The following STAT2 variants were observed in gnomAD, a reference collection of about 807,000 sequenced individuals.
STAT2 encodes the protein signal transducer and activator of transcription 2.
Under a neutral mutation model 122.3 loss-of-function variants are expected in STAT2, and 51 were observed. That is an observed-to-expected ratio of 0.42 (90% confidence interval 0.33 to 0.53). The LOEUF is 0.53. Among genes scored for constraint, STAT2 ranks in the 20% least tolerant of loss-of-function variants. STAT2 has a pLI of 0.10. For missense variants in STAT2, 736 were observed against 1,010.3 expected, an observed-to-expected ratio of 0.73 and a Z score of 3.68; for synonymous variants, 351 against 394.9, an observed-to-expected ratio of 0.89 and a Z score of 1.32.
rs1439273945 is a variant in STAT2 at position 56,356,207 on chromosome 12, C to T, written c.210G>A (p.Glu70=). 4.3e-6 allele frequency: 7 copies of T among 1,613,924 alleles called. No individual in the cohort carries two copies. Among genetic ancestry groups the T allele is most frequent in the South Asian group, 1.1e-5 (1 of 91,088 alleles). Residue 70 remains glutamate, a synonymous_variant, in exon 3 of 24, where the codon GAG becomes GAA. Transcript: ENST00000314128. ...FFHFLDQLNY[E]CGRCSQDPES... is the part of the protein sequence containing the mutation. ...CTGGGTCCTGGCTGCAACGGCCACA[C>T]TCATAGTTCAGCTGATCCAAGAAGT... is the stretch of plus-strand genomic sequence containing the variant.
Position 56,342,296 on chromosome 12 carries a change from C to CAA in STAT2, c.*1091_*1092dup, listed in dbSNP as rs535939207. On this transcript the variant is annotated 3_prime_UTR_variant, in exon 24 of 24. Transcript: ENST00000314128. ...GGACAACAAGAGAGAAACTCCATCTCAAAAAAAAAAAAAAAAAAATCCTGG... is the reference window on the plus strand; with the variant it reads ...GGACAACAAGAGAGAAACTCCATCTCAAAAAAAAAAAAAAAAAAAAATCCTGG... 5.2e-4 allele frequency: 38 copies of CAA among 72,570 alleles called. No individual in the cohort carries two copies. The highest frequency in any genetic ancestry group is 1.7e-3 in the African/African-American group (35 of 21,180). 4.5% of individuals were successfully genotyped at this position (72,570 alleles called of 1,614,324 possible). A position where few individuals can be genotyped will look rare whatever the true frequency, so the allele number is the denominator to read the frequency against.
rs750097169 is a variant in STAT2 at position 56,349,505 on chromosome 12, G to A, written c.1262C>T (p.Pro421Leu). The A allele has an allele frequency of 6.2e-7, 1 of 1,614,072 alleles. No homozygotes were observed. The highest frequency in any genetic ancestry group is 1.3e-5 in the African/African-American group (1 of 74,920). ...GGSGKGSNKG[P>L]LGVTEELHII... The stretch of plus-strand genomic sequence containing the variant: ...GTGCAGTTCCTCTGTCACACCTAGT[G>A]GCCCCTGGGACAGCCAAAGACATAG... Residue 421 changes from proline to leucine, a missense_variant, in exon 15 of 24, where the codon CCA (proline) becomes CTA (leucine). Pro to Leu is a moderately conservative substitution (Grantham distance 98). Transcript: ENST00000314128.
intron 19 of STAT2, 95 bp downstream of exon 19, chr12:56,348,434 G>GCT: frequency 7.6e-7 from 1 of 1,310,044 alleles, no homozygotes; most frequent in East Asian, 2.3e-5. Flanking sequence ...ACCTGTCTTT[G>GCT]CTCTCTCTCC....
At chr12:56,356,698 C>T (rs1412153915) in intron 1 of STAT2, 120 bp from the exon 2 acceptor site, 3 of 1,337,268 alleles carry the variant, frequency 2.2e-6, no homozygotes, top group Non-Finnish European at 3.0e-6. Context: ...AATAAAAATA[C>T]AGAAAACATT....
intron 22 of STAT2, among the ~76,000 whole-genome samples, chr12:56,345,239 C>A (rs1247488175): frequency 6.7e-6 from 1 of 148,812 alleles, no homozygotes; most frequent in Non-Finnish European, 1.5e-5. Flanking sequence ...TCCTACAATC[C>A]CGGCAATTTG....
At chr12:56,354,362 G>T in intron 8 of STAT2, 104 bp downstream of exon 8, 1 of 1,545,024 alleles carries the variant, frequency 6.5e-7, no homozygotes, top group Admixed American at 1.7e-5. Flanking sequence ...TCATTCTGGG[G>T]AGCAGAGACA....
chr12:56,356,442 A>C lies in STAT2; in HGVS notation c.130T>G (p.Trp44Gly). 1 of 1,613,814 alleles carries C rather than the reference A, an allele frequency of 6.2e-7. No homozygotes were observed. The highest frequency in any genetic ancestry group is 8.5e-7 in the Non-Finnish European group (1 of 1,179,978). Residue 44 changes from tryptophan (W) to glycine (G), a missense_variant and splice_region_variant, in exon 2 of 24, where the codon TGG becomes GGG. Coordinates refer to ENST00000314128, the MANE Select transcript of STAT2 (RefSeq NM_005419.4). ...CCCCCAACTTCCTGAAGGCCTCACC[A>C]GTTCTGGTCTTCAATCCAGACAGCC... is the stretch of plus-strand genomic sequence containing the variant. The part of the protein sequence containing the change: ...YLAVWIEDQN[W>G]QEAALGSDDS...
chr12:56,343,139 A>T lies in STAT2; in HGVS notation c.*250T>A. 2.2e-6 allele frequency: 1 copy of T among 448,806 alleles called. No homozygotes were observed. 27.8% of individuals were successfully genotyped at this position (448,806 alleles called of 1,614,324 possible). A position where few individuals can be genotyped will look rare whatever the true frequency, so the allele number is the denominator to read the frequency against. On this transcript the variant is annotated 3_prime_UTR_variant, in exon 24 of 24. Coordinates refer to ENST00000314128, the MANE Select transcript of STAT2 (RefSeq NM_005419.4). ...TGCCCCCAGGACCCCTATACCTCCC[A>T]GCACAGCAGGCAGCCTCCAGGATCC...
intron 8 of STAT2, among the ~76,000 whole-genome samples, chr12:56,354,016 A>AAAAATATATATATATATATATAT (rs71081350): frequency 1.8e-4 from 3 of 16,698 alleles, no homozygotes; most frequent in Non-Finnish European, 3.2e-4. Flanking sequence ...AAAAAAAAAA[A>AAAAATATATATATATATATATAT]ATATATATAT....
chr12:56,351,748 CCT>C (rs1417605925), intron 8 of STAT2, among the ~76,000 whole-genome samples: 1 of 152,078 alleles, frequency 6.6e-6, no homozygotes, highest in Non-Finnish European at 1.5e-5. Flanking sequence ...TCAAAACAAC[CCT>C]CTGAGGCAGG....
chr12:56,344,262 T>C, intron 22 of STAT2, 127 bp from the exon 23 acceptor site: 1 of 1,343,722 alleles, frequency 7.4e-7, no homozygotes, highest in Non-Finnish European at 9.8e-7. Flanking sequence ...GGGTTTGGAA[T>C]CAGGCCTCCT....
In STAT2 at chr12:56,358,847, G is replaced by A. The variant is rs367744020; in HGVS notation, c.-8+1211C>T. ...GGAGGCAGGGGTTGCAGTAAGCAGA[G>A]ATCACATCACTACACTCCAGCCTGG... On this transcript the variant is annotated intron_variant, in intron 1 of 23. Transcript: ENST00000314128. Among the ~76,000 whole-genome samples the A allele has an allele frequency of 2.5e-4, 38 of 152,228 alleles. No homozygotes were observed. In the East Asian group the frequency reaches 6.4e-3, roughly 26 times the overall value.
In STAT2 at chr12:56,355,759, G is replaced by T. The variant is rs1334089083; in HGVS notation, c.330C>A (p.Asn110Lys). The T allele has an allele frequency of 8.1e-6, 13 of 1,614,142 alleles. No homozygotes were observed. The South Asian group carries it at 1.4e-4, about 18-fold the overall frequency. Residue 110 changes from asparagine to lysine, a missense_variant, in exon 4 of 24, where the codon AAC becomes AAA. Asn to Lys is a moderately conservative substitution (Grantham distance 94). Transcript: ENST00000314128. Reference protein sequence around the residue: ...DPTQLAEMIFNLLLEEKRILI... With the variant: ...DPTQLAEMIFKLLLEEKRILI... ...AAATTCTTTTTTCTTCCAGAAGGAGGTTAAAGATCATCTCAGCCAACTGGG... is the reference window on the plus strand; with the variant it reads ...AAATTCTTTTTTCTTCCAGAAGGAGTTTAAAGATCATCTCAGCCAACTGGG...
At chr12:56,355,127 C>A in intron 6 of STAT2, 149 bp downstream of exon 6, 1 of 924,016 alleles carries the variant, frequency 1.1e-6, no homozygotes, top group Non-Finnish European at 1.7e-6. Flanking sequence ...CTCCACAAAG[C>A]ACTTCCAGCT....
chr12:56,350,752 G>A, intron 11 of STAT2, 77 bp downstream of exon 11: 2 of 1,470,436 alleles, frequency 1.4e-6, no homozygotes, highest in Non-Finnish European at 1.9e-6. Flanking sequence ...TAGCCCTAGG[G>A]CCCTGTTGTG....
intron 7 of STAT2, 39 bp from the exon 8 acceptor site, chr12:56,354,653 T>C (rs907734349): frequency 2.5e-6 from 4 of 1,613,206 alleles, no homozygotes; most frequent in African/African-American, 1.3e-5. Flanking sequence ...CATCTCTCCC[T>C]TTCACCCTCC....
At position 56,355,624 on chromosome 12, in the gene STAT2, C is replaced by T. The variant is rs577100787; in HGVS notation, c.381+84G>A. ...TATACCACAGGATGTCGGGGGGATCCTGTTCTGAGACAACTCCCTGAGTCC... is the reference window on the plus strand; with the variant it reads ...TATACCACAGGATGTCGGGGGGATCTTGTTCTGAGACAACTCCCTGAGTCC... On this transcript the variant is annotated intron_variant, in intron 4 of 23. Transcript: ENST00000314128. 3.4e-5 allele frequency: 55 copies of T among 1,596,092 alleles called. No homozygotes were observed. The African/African-American group carries it at 6.6e-4, about 19-fold the overall frequency.
intron 22 of STAT2, among the ~76,000 whole-genome samples, 175 bp from the exon 23 acceptor site, chr12:56,344,310 G>C (rs1877024591): frequency 6.6e-6 from 1 of 152,154 alleles, no homozygotes; most frequent in Admixed American, 6.5e-5. Context: ...TAGGCAAGTG[G>C]CCTAACTTTT....
intron 12 of STAT2, 92 bp from the exon 13 acceptor site, chr12:56,350,282 G>A: frequency 7.0e-7 from 1 of 1,434,192 alleles, no homozygotes; most frequent in Non-Finnish European, 9.6e-7. Flanking sequence ...CTTCATTTCA[G>A]ATCTCGCCAT....
Sources: allele counts gnomAD v4.1 joint callset (sites outside exome capture counted in the v4.1 genomes callset), GRCh38; gene constraint gnomAD v4.1.1; transcripts MANE v1.5; gene names NCBI Gene and HGNC (gene_info 2026-07-23, HGNC 2026-07-21).